KCNH7: variants seen among roughly 807,000 people sequenced by gnomAD.
KCNH7 encodes potassium voltage-gated channel subfamily H member 7.
In KCNH7, 49 loss-of-function variants were observed where a neutral mutation model predicts 120.8. The observed-to-expected ratio is 0.41, with a 90% CI of 0.32 to 0.51. The LOEUF (loss-of-function observed/expected upper bound fraction) is 0.51, where lower values mean the gene tolerates loss of function less well. Among genes scored for constraint, KCNH7 ranks in the 20% least tolerant of loss-of-function variants. The pLI is 0.38. For synonymous variants in KCNH7, 547 were observed against 516.1 expected (o/e 1.06, Z -0.81); for missense variants, 1,097 against 1,446.6 (o/e 0.76, Z 3.92).
At chr2:162,773,815 C>T (rs1003978209) in intron 2 of KCNH7, among the ~76,000 whole-genome samples, 1 of 152,098 alleles carries the variant, frequency 6.6e-6, no homozygotes, top group Non-Finnish European at 1.5e-5. Flanking sequence ...ATGTTTACAA[C>T]CTTATTATTA....
intron 6 of KCNH7, among the ~76,000 whole-genome samples, chr2:162,489,611 A>G (rs974669055): frequency 3.3e-5 from 5 of 152,220 alleles, no homozygotes; most frequent in African/African-American, 1.2e-4. Flanking sequence ...TCTTATTTAC[A>G]TGTTTTTATA....
chr2:162,450,686 C>T (rs1031802313), intron 6 of KCNH7, among the ~76,000 whole-genome samples: 1 of 151,864 alleles, frequency 6.6e-6, no homozygotes, highest in African/African-American at 2.4e-5. Flanking sequence ...CTTCTGAGAA[C>T]ATTTCTTTCT....
chr2:162,443,285 G>T (rs1461141008), intron 7 of KCNH7, among the ~76,000 whole-genome samples: 2 of 152,130 alleles, frequency 1.3e-5, no homozygotes, highest in Non-Finnish European at 2.9e-5. Context: ...CTCATGGGGT[G>T]CTTGACTTGC....
At chr2:162,469,367 T>C (rs947254670) in intron 6 of KCNH7, among the ~76,000 whole-genome samples, 7 of 152,206 alleles carry the variant, frequency 4.6e-5, no homozygotes, top group Non-Finnish European at 8.8e-5. Context: ...GAGATGTCCT[T>C]GAACTCAAGA....
intron 7 of KCNH7, among the ~76,000 whole-genome samples, chr2:162,442,892 A>G (rs933050090): frequency 6.6e-6 from 1 of 152,158 alleles, no homozygotes; most frequent in African/African-American, 2.4e-5. Context: ...CTGTTCTTAT[A>G]ATTTGTTGAA....
At position 162,728,957 on chromosome 2, in the gene KCNH7, T is replaced by C. The variant is rs558670820; in HGVS notation, c.307+107580A>G. 3.9e-5 allele frequency among the ~76,000 whole-genome samples: 6 copies of C among 152,276 alleles called. No homozygotes were observed. The South Asian group carries it at 6.2e-4, about 16-fold the overall frequency. On this transcript the variant is annotated intron_variant, in intron 2 of 15. Transcript: ENST00000332142. ...GTCATACTTAGATCAATGATCTATT[T>C]TGAGTTAGTGTACATGATGTGAAGT...
intron 2 of KCNH7, among the ~76,000 whole-genome samples, chr2:162,752,279 A>G (rs1050798866): frequency 2.6e-5 from 4 of 152,288 alleles, no homozygotes; most frequent in African/African-American, 9.6e-5. Flanking sequence ...GGACATTAAA[A>G]ATTTCTACCA....
At chr2:162,754,762 A>G (rs1285064186) in intron 2 of KCNH7, among the ~76,000 whole-genome samples, 1 of 152,222 alleles carries the variant, frequency 6.6e-6, no homozygotes, top group African/African-American at 2.4e-5. Context: ...CCTTAAATCC[A>G]AAGCAATAAA....
At chr2:162,600,471 A>T (rs1694515875) in intron 2 of KCNH7, among the ~76,000 whole-genome samples, 2 of 152,098 alleles carry the variant, frequency 1.3e-5, no homozygotes, top group Non-Finnish European at 2.9e-5. Context: ...TGATTTTCTA[A>T]ACAGCAGCAA....
intron 6 of KCNH7, among the ~76,000 whole-genome samples, chr2:162,471,518 T>A (rs1484527197): frequency 6.6e-6 from 1 of 151,794 alleles, no homozygotes; most frequent in African/African-American, 2.4e-5. Flanking sequence ...TGTGGAGTTT[T>A]ACGACCTTAC....
At chr2:162,736,320 G>A (rs1437852871) in intron 2 of KCNH7, among the ~76,000 whole-genome samples, 3 of 152,140 alleles carry the variant, frequency 2.0e-5, no homozygotes, top group Admixed American at 2.0e-4. Flanking sequence ...TTATGTTTTT[G>A]CATGTATTAT....
chr2:162,748,927 T>TCTCCTTCC (rs1553520253), intron 2 of KCNH7, among the ~76,000 whole-genome samples: 2 of 27,842 alleles, frequency 7.2e-5, no homozygotes, highest in Non-Finnish European at 1.2e-4. Flanking sequence ...TTCCCTTTCC[T>TCTCCTTCC]TTCCTTCCTT....
At chr2:162,505,379 AC>A (rs1268129492) in intron 5 of KCNH7, among the ~76,000 whole-genome samples, 1 of 151,942 alleles carries the variant, frequency 6.6e-6, no homozygotes, top group African/African-American at 2.4e-5. Flanking sequence ...GCTATTAAAA[AC>A]CGCAAAAGAC....
intron 2 of KCNH7, among the ~76,000 whole-genome samples, chr2:162,755,577 T>C (rs1688761772): frequency 6.6e-6 from 1 of 152,194 alleles, no homozygotes; most frequent in African/African-American, 2.4e-5. Context: ...GTTAGAATCC[T>C]TGTGTGACAC....
intron 6 of KCNH7, among the ~76,000 whole-genome samples, chr2:162,474,208 GCAGAAC>G (rs1689657512): frequency 6.6e-6 from 1 of 152,180 alleles, no homozygotes; most frequent in Non-Finnish European, 1.5e-5. Flanking sequence ...GTGATACATG[GCAGAAC>G]CAGGATTAGA....
intron 2 of KCNH7, among the ~76,000 whole-genome samples, chr2:162,715,383 A>C (rs148274769): frequency 8.5e-4 from 130 of 152,238 alleles, no homozygotes; most frequent in African/African-American, 2.3e-3. Flanking sequence ...CCATGATTCA[A>C]ACATCTCCCA....
intron 2 of KCNH7, among the ~76,000 whole-genome samples, chr2:162,641,619 A>G (rs1684160093): frequency 6.6e-6 from 1 of 152,166 alleles, no homozygotes; most frequent in South Asian, 2.1e-4. Flanking sequence ...TGACAGAATT[A>G]CAGAAGTGAA....
At chr2:162,401,510 A>G in intron 9 of KCNH7, among the ~76,000 whole-genome samples, 1 of 151,932 alleles carries the variant, frequency 6.6e-6, no homozygotes, top group South Asian at 2.1e-4. Flanking sequence ...GTAACCATGA[A>G]TTGTTTGTAA....
chr2:162,613,645 G>T (rs1213896694), intron 2 of KCNH7, among the ~76,000 whole-genome samples: 4 of 150,986 alleles, frequency 2.6e-5, no homozygotes, highest in Admixed American at 2.0e-4. Flanking sequence ...TTCTCTAAAG[G>T]TATTGCTCAA....
Sources: gnomAD v4.1 joint callset for allele counts (sites outside exome capture counted in the v4.1 genomes callset) on GRCh38, gnomAD v4.1.1 for gene constraint, MANE v1.5 for transcripts, NCBI Gene and HGNC (gene_info 2026-07-23, HGNC 2026-07-21) for gene names.